CSNK2A2: variants seen among roughly 807,000 people sequenced by gnomAD.
The protein encoded by CSNK2A2 is casein kinase 2 alpha 2.
In CSNK2A2, 8 loss-of-function variants were observed where a neutral mutation model predicts 54.0. The observed-to-expected ratio is 0.15, with a 90% CI of 0.09 to 0.27. CSNK2A2 has a LOEUF of 0.27. Ranked by LOEUF, CSNK2A2 falls within the 10% of genes least tolerant of loss-of-function variation. CSNK2A2 has a pLI of 1.00. For synonymous variants in CSNK2A2, 141 were observed against 153.9 expected (o/e 0.92, Z 0.62); for missense variants, 242 against 439.4 (o/e 0.55, Z 4.02).
chr16:58,179,527 G>A lies in CSNK2A2; in HGVS notation c.369+4733C>T, dbSNP rs145740611. ...AAAAAAAAAAAGAAAGAAAAGAGAGGGTGAGGGGACAGGGAGAAAAATAAC... is the reference window on the plus strand; with the variant it reads ...AAAAAAAAAAAGAAAGAAAAGAGAGAGTGAGGGGACAGGGAGAAAAATAAC... On this transcript the variant is annotated intron_variant, in intron 4 of 11. Coordinates refer to ENST00000262506, the MANE Select transcript of CSNK2A2 (RefSeq NM_001896.4). 3.1e-3 allele frequency among the ~76,000 whole-genome samples: 472 copies of A among 151,724 alleles called. 14 individuals are homozygous for A. The East Asian group carries it at 0.077, about 25-fold the overall frequency.
chr16:58,185,021 A>C (rs1013908944), intron 3 of CSNK2A2, among the ~76,000 whole-genome samples: 1 of 152,242 alleles, frequency 6.6e-6, no homozygotes, highest in Non-Finnish European at 1.5e-5. Flanking sequence ...CAATGAGTAC[A>C]AAAGTGCTCA....
intron 4 of CSNK2A2, among the ~76,000 whole-genome samples, chr16:58,182,232 T>G (rs898036833): frequency 2.0e-5 from 3 of 151,638 alleles, no homozygotes; most frequent in African/African-American, 7.3e-5. Context: ...AGATGTCACT[T>G]TAAGAAACAG....
At chr16:58,188,116 A>T (rs1962237828) in intron 2 of CSNK2A2, among the ~76,000 whole-genome samples, 1 of 152,178 alleles carries the variant, frequency 6.6e-6, no homozygotes, top group Admixed American at 6.5e-5. Context: ...GGTCACTAAG[A>T]TACAGCTTTG....
In CSNK2A2 at chr16:58,165,531, CTCCCTGAACACAG is replaced by C; in HGVS notation, c.976+16_976+28del. ...AAGATTTGTTCTCTTGACTGAATTA[CTCCCTGAACACAG>C]TCCCTGGAGACTCACAGAAGTATGG... On this transcript the variant is annotated intron_variant, in intron 10 of 11. Transcript: ENST00000262506. The C allele has an allele frequency of 1.3e-6, 2 of 1,579,918 alleles. No individual in the cohort carries two copies. The highest frequency in any genetic ancestry group is 1.7e-6 in the Non-Finnish European group (2 of 1,166,088).
At chr16:58,195,190 A>C (rs1962405513) in intron 2 of CSNK2A2, among the ~76,000 whole-genome samples, 1 of 152,238 alleles carries the variant, frequency 6.6e-6, no homozygotes, top group South Asian at 2.1e-4. Context: ...AAAAAAAAAA[A>C]AAACCACCTT....
intron 2 of CSNK2A2, among the ~76,000 whole-genome samples, chr16:58,192,018 G>C (rs769445074): frequency 6.6e-6 from 1 of 152,152 alleles, no homozygotes; most frequent in Non-Finnish European, 1.5e-5. Context: ...TCTCAGGAAA[G>C]AAAAGCATTT....
At chr16:58,181,144 G>A (rs1209145166) in intron 4 of CSNK2A2, among the ~76,000 whole-genome samples, 3 of 152,234 alleles carry the variant, frequency 2.0e-5, no homozygotes, top group Non-Finnish European at 2.9e-5. Context: ...TAAAATAACC[G>A]TAAAAGGAGC....
intron 3 of CSNK2A2, among the ~76,000 whole-genome samples, chr16:58,184,636 T>C (rs1377781612): frequency 1.3e-5 from 2 of 152,238 alleles, no homozygotes; most frequent in Non-Finnish European, 2.9e-5. Context: ...GAAAATTTCA[T>C]AATAAAAAGT....
At chr16:58,177,554 T>A (rs943146676) in intron 4 of CSNK2A2, among the ~76,000 whole-genome samples, 1 of 152,124 alleles carries the variant, frequency 6.6e-6, no homozygotes, top group Non-Finnish European at 1.5e-5. Context: ...CCAAGTGCAA[T>A]TCAGCTGCAT....
At chr16:58,192,966 A>T (rs1468312937) in intron 2 of CSNK2A2, 1 of 152,072 alleles carries the variant, frequency 6.6e-6, no homozygotes, top group South Asian at 2.1e-4. Flanking sequence ...GGTTAACTAC[A>T]CTCTTAATCT....
intron 5 of CSNK2A2, 192 bp downstream of exon 5, chr16:58,174,259 C>T: frequency 2.0e-6 from 1 of 509,448 alleles, no homozygotes; most frequent in Non-Finnish European, 3.4e-6. Context: ...GACTTGGCCA[C>T]TTTTTTCCCA....
At chr16:58,188,657 A>C (rs1962253186) in intron 2 of CSNK2A2, among the ~76,000 whole-genome samples, 3 of 152,230 alleles carry the variant, frequency 2.0e-5, no homozygotes, top group Non-Finnish European at 1.5e-5. Flanking sequence ...GTTACCTTCT[A>C]ATTTTTTAAT....
intron 2 of CSNK2A2, among the ~76,000 whole-genome samples, chr16:58,188,873 G>C (rs1379824251): frequency 6.6e-6 from 1 of 152,044 alleles, no homozygotes; most frequent in Non-Finnish European, 1.5e-5. Flanking sequence ...TGAGGAGTCT[G>C]GGTGAAACAG....
chr16:58,189,961 T>C (rs1567472940), intron 2 of CSNK2A2, among the ~76,000 whole-genome samples: 1 of 152,196 alleles, frequency 6.6e-6, no homozygotes, highest in African/African-American at 2.4e-5. Flanking sequence ...TTAGGATTTA[T>C]GAGGGAGGAT....
chr16:58,175,084 A>C (rs972544845), intron 4 of CSNK2A2, among the ~76,000 whole-genome samples: 3 of 152,372 alleles, frequency 2.0e-5, no homozygotes, highest in Admixed American at 6.5e-5. Context: ...CCAATTCCAG[A>C]CTGGAAAAAA....
rs1399075287 is a variant in CSNK2A2, at chr16:58,197,978, G to GCGCTCGCGCTCCGCGGCGGTCTC, written c.-265_-243dup. On this transcript the variant is annotated 5_prime_UTR_variant, in exon 1 of 12. Transcript: ENST00000262506. The surrounding 1 kb of genome is among the most constrained non-coding windows in gnomAD (Gnocchi z 4.0). ...GGCCGGCGGGGCGGCGGGGCGGGCG[G>GCGCTCGCGCTCCGCGGCGGTCTC]CGCTCGCGCTCCGCGGCGGTCTCCG... 2 of 145,134 alleles carry GCGCTCGCGCTCCGCGGCGGTCTC rather than the reference G, an allele frequency of 1.4e-5. No homozygotes were observed. Among genetic ancestry groups the GCGCTCGCGCTCCGCGGCGGTCTC allele is most frequent in the African/African-American group, 5.0e-5 (2 of 40,330 alleles). 9.0% of individuals were successfully genotyped at this position (145,134 alleles called of 1,614,324 possible). A position where few individuals can be genotyped will look rare whatever the true frequency, so the allele number is the denominator to read the frequency against.
intron 2 of CSNK2A2, among the ~76,000 whole-genome samples, chr16:58,191,374 T>A (rs1962317434): frequency 6.6e-6 from 1 of 152,182 alleles, no homozygotes; most frequent in Non-Finnish European, 1.5e-5. Context: ...TTATTTTATT[T>A]TTTTTTAGAC....
intron 4 of CSNK2A2, among the ~76,000 whole-genome samples, chr16:58,184,050 G>C (rs1029879826): frequency 1.4e-4 from 22 of 152,282 alleles, no homozygotes; most frequent in African/African-American, 5.1e-4. Flanking sequence ...TCCTGGAGTA[G>C]GCAAGGCAAA....
At chr16:58,188,422 G>C (rs1405234285) in intron 2 of CSNK2A2, among the ~76,000 whole-genome samples, 1 of 152,200 alleles carries the variant, frequency 6.6e-6, no homozygotes, top group Admixed American at 6.5e-5. Context: ...AATAGCCAGG[G>C]AAGGACACAC....
Sources: allele counts gnomAD v4.1 joint callset (sites outside exome capture counted in the v4.1 genomes callset), GRCh38; gene constraint gnomAD v4.1.1; non-coding constraint Gnocchi (gnomAD v3.1); transcripts MANE v1.5; gene names NCBI Gene and HGNC (gene_info 2026-07-23, HGNC 2026-07-21).